The following KCNIP4 variants were observed in gnomAD, a reference collection of about 807,000 sequenced individuals.
The protein encoded by KCNIP4 is Kv channel-interacting protein 4.
KCNIP4 carries 12 observed loss-of-function variants against 34.0 expected under a neutral mutation model. The observed-to-expected ratio is 0.35, with a 90% confidence interval of 0.23 to 0.57. The LOEUF (loss-of-function observed/expected upper bound fraction) is 0.57. Among genes scored for constraint, KCNIP4 ranks in the 20% least tolerant of loss-of-function variants. The pLI is 0.83. For missense variants in KCNIP4, 238 were observed against 311.7 expected (o/e 0.76, Z 1.78); for synonymous variants, 124 against 102.2 (o/e 1.21, Z -1.29).
chr4:21,035,530 C>T (rs1047636878), intron 1 of KCNIP4, among the ~76,000 whole-genome samples: 1 of 152,126 alleles, frequency 6.6e-6, no homozygotes, highest in East Asian at 1.9e-4. Context: ...TTGGGCCTAG[C>T]AAATTTTCAT....
At chr4:21,097,542 A>C (rs1224789076) in intron 1 of KCNIP4, among the ~76,000 whole-genome samples, 2 of 152,116 alleles carry the variant, frequency 1.3e-5, no homozygotes, top group Admixed American at 1.3e-4. Context: ...TACAATATTT[A>C]CAACTTTTTC....
intron 4 of KCNIP4, among the ~76,000 whole-genome samples, chr4:20,757,837 G>C (rs762808121): frequency 6.6e-6 from 1 of 152,160 alleles, no homozygotes; most frequent in African/African-American, 2.4e-5. Context: ...GCACATATTA[G>C]ATGCTTTCTG....
chr4:21,657,265 T>A (rs1748036772), intron 1 of KCNIP4, among the ~76,000 whole-genome samples: 1 of 152,222 alleles, frequency 6.6e-6, no homozygotes, highest in Non-Finnish European at 1.5e-5. Flanking sequence ...TTAAAGAAAT[T>A]AAGACTGTCA....
intron 1 of KCNIP4, among the ~76,000 whole-genome samples, chr4:21,105,739 A>T (rs1293559955): frequency 4.6e-5 from 7 of 151,530 alleles, no homozygotes; most frequent in African/African-American, 1.7e-4. Context: ...GGTTTGTCAT[A>T]GATAGCTCTT....
At chr4:20,748,894 GTATATA>G (rs57841958) in intron 5 of KCNIP4, among the ~76,000 whole-genome samples, 18,804 of 145,206 alleles carry the variant, frequency 0.13, 1,514 homozygotes, top group African/African-American at 0.23. Context: ...GTGTGTGTGT[GTATATA>G]TATATATATA....
At chr4:21,145,909 CA>C (rs1752307053) in intron 1 of KCNIP4, among the ~76,000 whole-genome samples, 1 of 152,186 alleles carries the variant, frequency 6.6e-6, no homozygotes, top group Non-Finnish European at 1.5e-5. Flanking sequence ...GTCTACACTG[CA>C]AATTTGCCTG....
intron 1 of KCNIP4, chr4:21,304,030 TGAGAGAGAGAGA>T (rs770366497): frequency 6.2e-4 from 178 of 288,658 alleles, no homozygotes; most frequent in South Asian, 2.5e-3. Flanking sequence ...GGAGAGCGTA[TGAGAGAGAGAGA>T]GAGAGAGAGA....
intron 1 of KCNIP4, among the ~76,000 whole-genome samples, chr4:21,655,979 A>G (rs1243192724): frequency 1.3e-5 from 2 of 152,220 alleles, no homozygotes; most frequent in Non-Finnish European, 2.9e-5. Context: ...TCTTTGAACT[A>G]CTTAATCTCT....
intron 1 of KCNIP4, among the ~76,000 whole-genome samples, chr4:20,952,437 C>T (rs1372670632): frequency 6.6e-6 from 1 of 152,062 alleles, no homozygotes; most frequent in Non-Finnish European, 1.5e-5. Flanking sequence ...AAAGTTATTA[C>T]CATACTTATT....
intron 1 of KCNIP4, among the ~76,000 whole-genome samples, chr4:21,145,363 C>T (rs372503319): frequency 3.9e-5 from 6 of 152,218 alleles, no homozygotes; most frequent in South Asian, 2.1e-4. Context: ...GAACCTGGGA[C>T]GTTTTAAACA....
intron 1 of KCNIP4, among the ~76,000 whole-genome samples, chr4:21,447,525 C>A (rs998611571): frequency 7.2e-5 from 11 of 152,184 alleles, no homozygotes; most frequent in Admixed American, 5.9e-4. Flanking sequence ...GCAGGGGATA[C>A]ATTCCAAGCC....
At chr4:21,559,105 T>C (rs1739306781) in intron 1 of KCNIP4, among the ~76,000 whole-genome samples, 1 of 152,100 alleles carries the variant, frequency 6.6e-6, no homozygotes, top group Non-Finnish European at 1.5e-5. Context: ...AGCCTCAGTT[T>C]TTTCAACTGT....
chr4:21,754,064 A>C (rs1717337396), intron 1 of KCNIP4, among the ~76,000 whole-genome samples: 1 of 152,218 alleles, frequency 6.6e-6, no homozygotes, highest in South Asian at 2.1e-4. Flanking sequence ...CTCGAATTCT[A>C]GTGATTTAAA....
At chr4:21,616,622 C>T (rs1270504076) in intron 1 of KCNIP4, among the ~76,000 whole-genome samples, 1 of 152,138 alleles carries the variant, frequency 6.6e-6, no homozygotes, top group South Asian at 2.1e-4. Flanking sequence ...TGGGGAGACT[C>T]CTTCCTTGAC....
intron 1 of KCNIP4, among the ~76,000 whole-genome samples, chr4:21,100,960 C>T (rs1747882811): frequency 1.3e-5 from 2 of 152,066 alleles, no homozygotes; most frequent in South Asian, 4.1e-4. Flanking sequence ...GATTTATCAC[C>T]TAAAACCTTC....
At chr4:21,634,459 T>A (rs975158458) in intron 1 of KCNIP4, among the ~76,000 whole-genome samples, 5 of 151,990 alleles carry the variant, frequency 3.3e-5, no homozygotes, top group Non-Finnish European at 7.4e-5. Context: ...ACTGGGAGGA[T>A]CTTCAGAGAT....
At chr4:20,824,796 T>G (rs4696966) in intron 3 of KCNIP4, among the ~76,000 whole-genome samples, 8,525 of 149,528 alleles carry the variant, frequency 0.057, 440 homozygotes, top group East Asian at 0.21. Context: ...TAAAGGATTG[T>G]CCCATGTAAC....
At chr4:20,951,425 G>C (rs185013955) in intron 1 of KCNIP4, among the ~76,000 whole-genome samples, 1 of 152,312 alleles carries the variant, frequency 6.6e-6, no homozygotes, top group East Asian at 1.9e-4. Context: ...TTGGAAATGG[G>C]ATTAAATGAT....
At chr4:21,504,475 A>AAAAAAAAAAG (rs1264431211) in intron 1 of KCNIP4, among the ~76,000 whole-genome samples, 64 of 101,866 alleles carry the variant, frequency 6.3e-4, no homozygotes, top group African/African-American at 2.3e-3. Flanking sequence ...CAAAAAAAAA[A>AAAAAAAAAAG]AAAGAAAGAA....
Sources: gnomAD v4.1 joint callset for allele counts (sites outside exome capture counted in the v4.1 genomes callset) on GRCh38, gnomAD v4.1.1 for gene constraint, MANE v1.5 for transcripts, NCBI Gene and HGNC (gene_info 2026-07-23, HGNC 2026-07-21) for gene names.